VRK1: variants seen among roughly 807,000 people sequenced by gnomAD.
VRK1 encodes the protein serine/threonine-protein kinase VRK1.
In VRK1, 33 loss-of-function variants were observed where a neutral mutation model predicts 57.1. The observed-to-expected ratio is 0.58, with a 90% CI of 0.44 to 0.77. The LOEUF (loss-of-function observed/expected upper bound fraction) is 0.77, where lower values mean the gene tolerates loss of function less well. Ranked by LOEUF, VRK1 falls within the 30% of genes least tolerant of loss-of-function variation. The probability of loss-of-function intolerance (pLI) is 0.00; values close to 1 mark genes in which losing one functional copy is unlikely to be tolerated. For missense variants in VRK1, 413 were observed against 477.3 expected (o/e 0.87, Z 1.25); for synonymous variants, 137 against 147.8 (o/e 0.93, Z 0.53).
chr14:96,877,293 A>G (rs190181734), intron 12 of VRK1: 37 of 297,484 alleles, frequency 1.2e-4, no homozygotes, highest in African/African-American at 2.6e-4. Context: ...TTTTATTACT[A>G]TGTTCTTCAT....
At chr14:96,851,547 C>T (rs1887950870) in intron 5 of VRK1, among the ~76,000 whole-genome samples, 1 of 152,156 alleles carries the variant, frequency 6.6e-6, no homozygotes, top group Non-Finnish European at 1.5e-5. Context: ...TAATTTTCTT[C>T]CAGTTCAAAA....
In VRK1 at chr14:96,855,256, G is replaced by C. The variant is rs1298227038; in HGVS notation, c.609G>C (p.Arg203=). 4 of 1,614,048 alleles carry C rather than the reference G, an allele frequency of 2.5e-6. No homozygotes were observed. Among genetic ancestry groups the C allele is most frequent in the South Asian group, 2.2e-5 (2 of 91,080 alleles). The change falls in exon 8 of 13, where the codon CGG becomes CGC. Residue 203 remains arginine, a synonymous_variant. Coordinates refer to ENST00000216639, the MANE Select transcript of VRK1 (RefSeq NM_003384.3). ...VYLVDYGLAY[R]YCPEGVHKEY... Reference sequence around the variant, plus strand: ...TGGTAGATTATGGCCTTGCTTATCGGTACTGCCCAGAAGGAGTTCATAAAG... The same window carrying C: ...TGGTAGATTATGGCCTTGCTTATCGCTACTGCCCAGAAGGAGTTCATAAAG...
chr14:96,872,049 C>T (rs1041869994), intron 11 of VRK1, among the ~76,000 whole-genome samples: 2 of 152,190 alleles, frequency 1.3e-5, no homozygotes, highest in African/African-American at 4.8e-5. Flanking sequence ...AAGTGATCCA[C>T]CCACCTAGGC....
chr14:96,855,052 G>A (rs987968108), intron 7 of VRK1, among the ~76,000 whole-genome samples, 172 bp from the exon 8 acceptor site: 1 of 152,178 alleles, frequency 6.6e-6, no homozygotes, highest in Admixed American at 6.5e-5. Flanking sequence ...AAGCCTTTCA[G>A]AATTAAGTAT....
intron 11 of VRK1, among the ~76,000 whole-genome samples, chr14:96,870,557 CTTG>C (rs1271784582): frequency 7.9e-5 from 12 of 152,248 alleles, no homozygotes; most frequent in African/African-American, 2.4e-4. Context: ...CAGCTTTCGT[CTTG>C]TTAACTGACT....
intron 1 of VRK1, among the ~76,000 whole-genome samples, chr14:96,832,241 G>A (rs987440928): frequency 1.3e-5 from 2 of 152,090 alleles, no homozygotes; most frequent in Non-Finnish European, 1.5e-5. Flanking sequence ...TATGTAGCAT[G>A]TCTAGGCTCA....
chr14:96,840,049 T>C (rs550543332), intron 3 of VRK1, among the ~76,000 whole-genome samples: 1 of 152,316 alleles, frequency 6.6e-6, no homozygotes, highest in African/African-American at 2.4e-5. Flanking sequence ...AGGATATTGG[T>C]CTTTCGTTTT....
intron 1 of VRK1, among the ~76,000 whole-genome samples, chr14:96,798,070 AG>A (rs1407371433): frequency 2.0e-5 from 3 of 152,112 alleles, no homozygotes; most frequent in Non-Finnish European, 4.4e-5. Flanking sequence ...GGGGACCGCG[AG>A]GCCGCCCGTT....
intron 1 of VRK1, among the ~76,000 whole-genome samples, chr14:96,802,512 A>T (rs781342342): frequency 2.6e-5 from 4 of 152,232 alleles, no homozygotes; most frequent in Non-Finnish European, 5.9e-5. Context: ...CAGAGATTGT[A>T]TGATTCCATT....
chr14:96,850,812 A>T (rs1280719816), intron 5 of VRK1, among the ~76,000 whole-genome samples: 1 of 152,212 alleles, frequency 6.6e-6, no homozygotes, highest in Non-Finnish European at 1.5e-5. Context: ...CTACTGGTTG[A>T]GCATCCCAAA....
intron 5 of VRK1, among the ~76,000 whole-genome samples, chr14:96,849,026 T>C (rs954411197): frequency 5.9e-5 from 9 of 152,182 alleles, no homozygotes; most frequent in Admixed American, 5.9e-4. Context: ...GAAGAGGGCA[T>C]GTGTGTAAGA....
At chr14:96,844,387 C>T (rs1887589985) in intron 3 of VRK1, among the ~76,000 whole-genome samples, 1 of 152,152 alleles carries the variant, frequency 6.6e-6, no homozygotes, top group African/African-American at 2.4e-5. Flanking sequence ...TACTGTCTTC[C>T]AAGGTTAAGG....
intron 2 of VRK1, among the ~76,000 whole-genome samples, chr14:96,837,437 G>A (rs2093216932): frequency 6.6e-6 from 1 of 151,790 alleles, no homozygotes; most frequent in Non-Finnish European, 1.5e-5. Flanking sequence ...TTATCCTCTG[G>A]GGAATTCACA....
At chr14:96,831,389 C>T (rs944825257) in intron 1 of VRK1, among the ~76,000 whole-genome samples, 1 of 152,158 alleles carries the variant, frequency 6.6e-6, no homozygotes, top group African/African-American at 2.4e-5. Context: ...CCACCATGTC[C>T]AGCGTTAACC....
In VRK1 at chr14:96,881,366, A is replaced by G. The variant is rs1018134628; in HGVS notation, c.*158A>G. 11 of 656,080 alleles carry G rather than the reference A, an allele frequency of 1.7e-5. No homozygotes were observed. Among genetic ancestry groups the G allele is most frequent in the Admixed American group, 3.1e-5 (1 of 31,958 alleles). 40.6% of individuals were successfully genotyped at this position (656,080 alleles called of 1,614,324 possible). A position where few individuals can be genotyped will look rare whatever the true frequency, so the allele number is the denominator to read the frequency against. On this transcript the variant is annotated 3_prime_UTR_variant, in exon 13 of 13. Transcript: ENST00000216639. ...AAACATAAACTTTTTTTATAAAAATATTTTGTACAATTCATTAAAGGCTAA... is the reference window on the plus strand; with the variant it reads ...AAACATAAACTTTTTTTATAAAAATGTTTTGTACAATTCATTAAAGGCTAA...
At position 96,856,587 on chromosome 14, in the gene VRK1, G is replaced by T. The variant is rs1482696609; in HGVS notation, c.889+1G>T. ...TGTTTTCCTGAGAAAAACAAACCAGGTAGGAAATGACTTCTTCAGTGTTAA... is the reference window on the plus strand; with the variant it reads ...TGTTTTCCTGAGAAAAACAAACCAGTTAGGAAATGACTTCTTCAGTGTTAA... On this transcript the variant is annotated splice_donor_variant, in intron 10 of 12. Coordinates refer to ENST00000216639, the MANE Select transcript of VRK1 (RefSeq NM_003384.3). LOFTEE classifies it high-confidence loss of function. 3 of 1,612,834 alleles carry T rather than the reference G, an allele frequency of 1.9e-6. No homozygotes were observed. The highest frequency in any genetic ancestry group is 2.5e-6 in the Non-Finnish European group (3 of 1,179,030).
intron 1 of VRK1, among the ~76,000 whole-genome samples, chr14:96,810,567 G>C (rs1886149693): frequency 6.6e-6 from 1 of 152,168 alleles, no homozygotes. Flanking sequence ...CATTGGGTCT[G>C]TTGGACACAA....
At chr14:96,866,728 T>G (rs998231343) in intron 11 of VRK1, among the ~76,000 whole-genome samples, 5 of 152,160 alleles carry the variant, frequency 3.3e-5, no homozygotes, top group Non-Finnish European at 7.4e-5. Context: ...GGTGAAAAAT[T>G]TCAGAATGGT....
chr14:96,855,374 G>T lies in VRK1; in HGVS notation c.709+18G>T. On this transcript the variant is annotated intron_variant, in intron 8 of 12. Coordinates refer to ENST00000216639, the MANE Select transcript of VRK1 (RefSeq NM_003384.3). ...TGGCGTGGGTATGTCAGTAGTACTGGAGTGAGAAATAGACTGCTAATGTTT... is the reference window on the plus strand; with the variant it reads ...TGGCGTGGGTATGTCAGTAGTACTGTAGTGAGAAATAGACTGCTAATGTTT... 1 of 1,613,922 alleles carries T rather than the reference G, an allele frequency of 6.2e-7. No individual in the cohort carries two copies. The highest frequency in any genetic ancestry group is 2.2e-5 in the East Asian group (1 of 44,860).
Sources: gnomAD v4.1 joint callset for allele counts (sites outside exome capture counted in the v4.1 genomes callset) on GRCh38, gnomAD v4.1.1 for gene constraint, MANE v1.5 for transcripts, NCBI Gene and HGNC (gene_info 2026-07-23, HGNC 2026-07-21) for gene names.